The following RPH3AL variants were observed in gnomAD, a reference collection of about 807,000 sequenced individuals.
RPH3AL encodes the protein rabphilin 3A like (without C2 domains), also known as rab effector Noc2.
In RPH3AL, 38 loss-of-function variants were observed where a neutral mutation model predicts 43.1. That is an observed-to-expected ratio of 0.88 (90% CI 0.68 to 1.15). The LOEUF is 1.15. Ranked by LOEUF, RPH3AL falls within the 50% of genes most tolerant of loss-of-function variation. The probability of loss-of-function intolerance (pLI) is 0.00; values close to 1 mark genes in which losing one functional copy is unlikely to be tolerated. For missense variants in RPH3AL, 462 were observed against 423.2 expected, an observed-to-expected ratio of 1.09 and a Z score of -0.81; for synonymous variants, 189 against 176.3, an observed-to-expected ratio of 1.07 and a Z score of -0.57.
At chr17:257,076 T>G (rs1597952087) in intron 6 of RPH3AL, among the ~76,000 whole-genome samples, 1 of 50,102 alleles carries the variant, frequency 2.0e-5, no homozygotes, top group Admixed American at 1.9e-4. Flanking sequence ...CGTCTGTCCT[T>G]TTCCATCCCT....
In RPH3AL at chr17:328,067, G is replaced by C. The variant is rs946109705; in HGVS notation, c.-36-488C>G. 6.6e-6 allele frequency among the ~76,000 whole-genome samples: 1 copy of C among 152,064 alleles called. No homozygotes were observed. The highest frequency in any genetic ancestry group is 1.5e-5 in the Non-Finnish European group (1 of 68,002). ...CTCTCCTTCCCAACAGACTCACACC[G>C]ATGATCACAATGCCCTCGAGGGCAG... On this transcript the variant is annotated intron_variant, in intron 2 of 9. Transcript: ENST00000331302. The surrounding 1 kb of genome is among the most constrained non-coding windows in gnomAD (Gnocchi z 4.2).
Position 225,687 on chromosome 17 carries a change from G to A in RPH3AL, c.614-5951C>T, listed in dbSNP as rs893026191. On this transcript the variant is annotated intron_variant, in intron 7 of 9. Transcript: ENST00000331302. This position sits in a 1 kb window ranked among gnomAD's most constrained non-coding sequence, Gnocchi z 4.4. ...CACCGGTTTCCGCCTCTCTCTGGCA[G>A]AGATGCTTATGGGAGGTCTAGTCAT... 1.3e-5 allele frequency among the ~76,000 whole-genome samples: 2 copies of A among 152,232 alleles called. No homozygotes were observed. The highest frequency in any genetic ancestry group is 4.8e-5 in the African/African-American group (2 of 41,466).
rs377348634 is a variant in RPH3AL at position 246,177 on chromosome 17, A to G, written c.613+934T>C. 3.3e-5 allele frequency among the ~76,000 whole-genome samples: 5 copies of G among 152,156 alleles called. No homozygotes were observed. Among genetic ancestry groups the G allele is most frequent in the South Asian group, 4.1e-4 (2 of 4,828 alleles). ...AAAGATGGTCAGATGTCAGGTCACA[A>G]CCGAAGACCAGGATGTCGCAAAGCC... is the stretch of plus-strand genomic sequence containing the variant. On this transcript the variant is annotated intron_variant, in intron 7 of 9. Transcript: ENST00000331302. This position sits in a 1 kb window ranked among gnomAD's most constrained non-coding sequence, Gnocchi z 4.8.
rs1338040339 is a variant in RPH3AL at position 294,672 on chromosome 17, C to A, written c.352-12818G>T. 1.7e-4 allele frequency among the ~76,000 whole-genome samples: 9 copies of A among 53,294 alleles called. 2 individuals are homozygous for A. Among genetic ancestry groups the A allele is most frequent in the African/African-American group, 6.9e-4 (9 of 12,990 alleles). The allele number at this position is 53,294 out of a possible 152,430, so 35.0% of individuals were successfully genotyped here. On this transcript the variant is annotated intron_variant, in intron 5 of 9. Coordinates refer to ENST00000331302, the MANE Select transcript of RPH3AL (RefSeq NM_006987.4). Reference sequence around the variant, plus strand: ...GGGAATGCACACAGTGTGGGAGGGACAGAGATGCTGCAGAAATGGACGGGC... The same window carrying A: ...GGGAATGCACACAGTGTGGGAGGGAAAGAGATGCTGCAGAAATGGACGGGC...
rs2151507579 is a variant in RPH3AL at position 225,348 on chromosome 17, T to C, written c.614-5612A>G. Among the ~76,000 whole-genome samples, 1 of 152,298 alleles carries C rather than the reference T, an allele frequency of 6.6e-6. No homozygotes were observed. Among genetic ancestry groups the C allele is most frequent in the Middle Eastern group, 3.4e-3 (1 of 294 alleles). ...AGGAAAACCTGCCTTATTTTGCAGT[T>C]GTTTTTCGGGTCCTGGACTGAGCTG... On this transcript the variant is annotated intron_variant, in intron 7 of 9. Coordinates refer to ENST00000331302, the MANE Select transcript of RPH3AL (RefSeq NM_006987.4). This position sits in a 1 kb window ranked among gnomAD's most constrained non-coding sequence, Gnocchi z 4.4.
intron 6 of RPH3AL, among the ~76,000 whole-genome samples, chr17:247,840 G>C (rs548204232): frequency 3.3e-5 from 5 of 152,194 alleles, no homozygotes; most frequent in African/African-American, 1.2e-4. Context: ...AAAACTCCTA[G>C]TGACAGGAAG....
intron 1 of RPH3AL, chr17:335,943 T>C (rs1436071364): frequency 1.3e-5 from 2 of 152,248 alleles, no homozygotes; most frequent in Non-Finnish European, 2.9e-5. Context: ...TAGTCACGTC[T>C]GCCCCCGGCG....
At chr17:320,442 C>G (rs1440853365) in intron 4 of RPH3AL, among the ~76,000 whole-genome samples, 1 of 151,838 alleles carries the variant, frequency 6.6e-6, no homozygotes, top group Non-Finnish European at 1.5e-5. Flanking sequence ...TCGAGAGCAG[C>G]CTGGGTAACA....
intron 1 of RPH3AL, among the ~76,000 whole-genome samples, chr17:351,352 T>C (rs548035300): frequency 6.6e-6 from 1 of 152,084 alleles, no homozygotes; most frequent in East Asian, 1.9e-4. Context: ...CCTCAATAGC[T>C]CCCACTGCCT....
rs990793093 is a variant in RPH3AL, at chr17:304,840, T to C, written c.351+14580A>G. Among the ~76,000 whole-genome samples, 10 of 148,996 alleles carry C rather than the reference T, an allele frequency of 6.7e-5. 1 individual carries two copies. In the Admixed American group the frequency reaches 6.7e-4, roughly 10 times the overall value. ...AACCATTTTTAAATGATTTAAAACCTGTTTCTGTACCAAGTGGTACAGAAA... is the reference window on the plus strand; with the variant it reads ...AACCATTTTTAAATGATTTAAAACCCGTTTCTGTACCAAGTGGTACAGAAA... On this transcript the variant is annotated intron_variant, in intron 5 of 9. Coordinates refer to ENST00000331302, the MANE Select transcript of RPH3AL (RefSeq NM_006987.4).
intron 7 of RPH3AL, among the ~76,000 whole-genome samples, chr17:240,827 A>T (rs113827142): frequency 0.026 from 3,978 of 152,238 alleles, 92 homozygotes; most frequent in Non-Finnish European, 0.04. Context: ...TGGGAGGCCA[A>T]GGCGGGAGGA....
intron 3 of RPH3AL, among the ~76,000 whole-genome samples, chr17:325,192 C>T (rs1379574427): frequency 6.6e-6 from 1 of 152,174 alleles, no homozygotes; most frequent in Non-Finnish European, 1.5e-5. Context: ...TACACATGAC[C>T]TTCACCTGGA....
At chr17:251,208 C>A (rs945224568) in intron 6 of RPH3AL, among the ~76,000 whole-genome samples, 3 of 152,200 alleles carry the variant, frequency 2.0e-5, no homozygotes, top group Non-Finnish European at 2.9e-5. Context: ...GGCCTGGAAC[C>A]TGTCTGGTGG....
At chr17:307,186 CGCG>C (rs782507053) in intron 5 of RPH3AL, among the ~76,000 whole-genome samples, 2,965 of 147,888 alleles carry the variant, frequency 0.02, 94 homozygotes, top group Admixed American at 0.056. Flanking sequence ...AGATCCTCCC[CGCG>C]GCAGGTCCTC....
chr17:247,617 CTGGG>C, intron 6 of RPH3AL: 1 of 297,736 alleles, frequency 3.4e-6, no homozygotes. Context: ...TCCTCAGCAG[CTGGG>C]ACTACTGTAC....
In RPH3AL at chr17:289,097, C is replaced by T. The variant is rs556085687; in HGVS notation, c.352-7243G>A. Among the ~76,000 whole-genome samples, 23 of 152,254 alleles carry T rather than the reference C, an allele frequency of 1.5e-4. No individual in the cohort carries two copies. The highest frequency in any genetic ancestry group is 4.6e-4 in the Admixed American group (7 of 15,294). ...TGGGGCAGGAGAGAGCAGGGTGTGCCGTTTAGAGGTGAACTTGGACTCGGT... is the reference window on the plus strand; with the variant it reads ...TGGGGCAGGAGAGAGCAGGGTGTGCTGTTTAGAGGTGAACTTGGACTCGGT... On this transcript the variant is annotated intron_variant, in intron 5 of 9. Coordinates refer to ENST00000331302, the MANE Select transcript of RPH3AL (RefSeq NM_006987.4). This position sits in a 1 kb window ranked among gnomAD's most constrained non-coding sequence, Gnocchi z 5.2.
At chr17:258,133 T>C (rs1184811516) in intron 6 of RPH3AL, among the ~76,000 whole-genome samples, 2 of 152,198 alleles carry the variant, frequency 1.3e-5, no homozygotes, top group African/African-American at 4.8e-5. Context: ...ATGGATCACG[T>C]TTTGTCGTCT....
chr17:223,645 A>G (rs1291309326), intron 7 of RPH3AL, among the ~76,000 whole-genome samples: 1 of 152,166 alleles, frequency 6.6e-6, no homozygotes, highest in African/African-American at 2.4e-5. Flanking sequence ...GACCGCACTG[A>G]AGCTTAGTGG....
At chr17:258,857 C>T (rs933803301) in intron 6 of RPH3AL, among the ~76,000 whole-genome samples, 3 of 150,212 alleles carry the variant, frequency 2.0e-5, no homozygotes, top group Non-Finnish European at 2.9e-5. Flanking sequence ...ACACCCTGGG[C>T]TCAAGTGATC....
Sources: gnomAD v4.1 joint callset for allele counts (sites outside exome capture counted in the v4.1 genomes callset) on GRCh38, gnomAD v4.1.1 for gene constraint, Gnocchi (gnomAD v3.1) non-coding constraint, MANE v1.5 for transcripts, NCBI Gene and HGNC (gene_info 2026-07-23, HGNC 2026-07-21) for gene names.